The following BMP5 variants were observed in gnomAD, a reference collection of about 807,000 sequenced individuals.
The protein encoded by BMP5 is bone morphogenetic protein 5.
BMP5 carries 23 observed loss-of-function variants against 46.6 expected under a neutral mutation model. The observed-to-expected ratio is 0.49, with a 90% CI of 0.35 to 0.70. The LOEUF (loss-of-function observed/expected upper bound fraction) is 0.70, where lower values mean the gene tolerates loss of function less well. BMP5 is among the 30% of genes least tolerant of loss of function. The probability of loss-of-function intolerance (pLI) is 0.00; values close to 1 mark genes in which losing one functional copy is unlikely to be tolerated. For missense variants in BMP5, 545 were observed against 565.6 expected, an observed-to-expected ratio of 0.96 and a Z score of 0.37; for synonymous variants, 204 against 191.9, an observed-to-expected ratio of 1.06 and a Z score of -0.52.
intron 2 of BMP5, among the ~76,000 whole-genome samples, chr6:55,802,804 C>G (rs969071281): frequency 6.7e-6 from 1 of 150,160 alleles, no homozygotes; most frequent in African/African-American, 2.5e-5. Flanking sequence ...TTAAATAATT[C>G]TTTTTTTCCC....
intron 2 of BMP5, among the ~76,000 whole-genome samples, chr6:55,800,770 A>C (rs529159340): frequency 6.6e-6 from 1 of 152,170 alleles, no homozygotes; most frequent in Non-Finnish European, 1.5e-5. Flanking sequence ...TAGCCAAACT[A>C]TTTTTTCATA....
At chr6:55,863,701 A>G (rs1418666766) in intron 1 of BMP5, among the ~76,000 whole-genome samples, 1 of 152,244 alleles carries the variant, frequency 6.6e-6, no homozygotes, top group East Asian at 1.9e-4. Context: ...TCATAAGATT[A>G]TAATGGAGCT....
At chr6:55,846,950 A>T (rs980947430) in intron 1 of BMP5, among the ~76,000 whole-genome samples, 112 of 151,862 alleles carry the variant, frequency 7.4e-4, no homozygotes, top group Non-Finnish European at 2.9e-4. Flanking sequence ...AAATATTTAT[A>T]GTTAAAAAGT....
intron 1 of BMP5, among the ~76,000 whole-genome samples, chr6:55,865,596 T>A (rs1449683951): frequency 6.6e-6 from 1 of 152,122 alleles, no homozygotes; most frequent in Non-Finnish European, 1.5e-5. Context: ...AATTCAAGGT[T>A]TTTCTTTTAG....
intron 4 of BMP5, among the ~76,000 whole-genome samples, chr6:55,761,413 G>C (rs968664133): frequency 2.0e-5 from 3 of 152,036 alleles, no homozygotes; most frequent in Non-Finnish European, 2.9e-5. Context: ...CATTAAGAGT[G>C]AAATATTCTC....
intron 4 of BMP5, among the ~76,000 whole-genome samples, chr6:55,771,569 G>T (rs72868866): frequency 6.6e-6 from 1 of 151,726 alleles, no homozygotes; most frequent in African/African-American, 2.4e-5. Context: ...ATTCTGTGCT[G>T]GTTTCTGTTC....
At chr6:55,850,074 T>C (rs934585254) in intron 1 of BMP5, among the ~76,000 whole-genome samples, 11 of 152,146 alleles carry the variant, frequency 7.2e-5, no homozygotes, top group Admixed American at 2.6e-4. Flanking sequence ...TTCATGTTTA[T>C]CTCTAATACA....
chr6:55,758,373 A>T (rs937174988), intron 6 of BMP5, among the ~76,000 whole-genome samples: 1 of 151,876 alleles, frequency 6.6e-6, no homozygotes, highest in Non-Finnish European at 1.5e-5. Flanking sequence ...ATTAGGTACA[A>T]GGCAATCAGT....
chr6:55,780,475 AAAGAAAGAAAG>A (rs1775288686), intron 3 of BMP5, among the ~76,000 whole-genome samples: 1 of 125,058 alleles, frequency 8.0e-6, no homozygotes, highest in Admixed American at 8.3e-5. Context: ...AAAAAAAAAG[AAAGAAAGAAAG>A]AAAGAAAGAA....
Position 55,874,373 on chromosome 6 carries a change from T to C in BMP5, c.490+3A>G, listed in dbSNP as rs1428718306. The C allele has an allele frequency of 6.2e-7, 1 of 1,612,808 alleles. No homozygotes were observed. Among genetic ancestry groups the C allele is most frequent in the Non-Finnish European group, 8.5e-7 (1 of 1,179,318 alleles). Reference sequence around the variant, plus strand: ...TAGATTAACAAACAAATGAACAACATACCTAAGTTGACAAAGCTCATGACC... The same window carrying C: ...TAGATTAACAAACAAATGAACAACACACCTAAGTTGACAAAGCTCATGACC... On this transcript the variant is annotated splice_donor_region_variant and intron_variant, in intron 1 of 6. Transcript: ENST00000370830.
intron 1 of BMP5, among the ~76,000 whole-genome samples, chr6:55,856,202 G>A (rs1177244262): frequency 6.6e-6 from 1 of 152,114 alleles, no homozygotes; most frequent in Non-Finnish European, 1.5e-5. Flanking sequence ...TTATGTTTTA[G>A]CATTATCAAT....
intron 2 of BMP5, among the ~76,000 whole-genome samples, chr6:55,808,447 C>A (rs948676058): frequency 3.3e-5 from 5 of 152,132 alleles, no homozygotes; most frequent in Non-Finnish European, 5.9e-5. Flanking sequence ...TCACCCTCCC[C>A]CAAGGACCTC....
chr6:55,773,281 T>C (rs1300607461), intron 4 of BMP5, among the ~76,000 whole-genome samples: 1 of 151,926 alleles, frequency 6.6e-6, no homozygotes, highest in African/African-American at 2.4e-5. Flanking sequence ...AAATCAATTT[T>C]TGAACTAAAA....
chr6:55,761,753 A>G (rs531558805), intron 4 of BMP5, among the ~76,000 whole-genome samples: 2 of 152,130 alleles, frequency 1.3e-5, no homozygotes, highest in East Asian at 1.9e-4. Context: ...TTCCATCTCA[A>G]TTATCACTTT....
In BMP5 at chr6:55,816,799, G is replaced by A. The variant is rs1170555020; in HGVS notation, c.683+2856C>T. Among the ~76,000 whole-genome samples the A allele has an allele frequency of 5.3e-5, 8 of 152,084 alleles. No homozygotes were observed. In the South Asian group the frequency reaches 1.2e-3, roughly 24 times the overall value. On this transcript the variant is annotated intron_variant, in intron 2 of 6. Transcript: ENST00000370830. ...GACTAGTTAAAATAGAATTGAGAGGGCATGTGCACGTACGTGTGTGTGTGT... is the reference window on the plus strand; with the variant it reads ...GACTAGTTAAAATAGAATTGAGAGGACATGTGCACGTACGTGTGTGTGTGT...
chr6:55,836,103 A>C (rs1370558013), intron 1 of BMP5, among the ~76,000 whole-genome samples: 1 of 152,182 alleles, frequency 6.6e-6, no homozygotes, highest in Admixed American at 6.5e-5. Flanking sequence ...TGTAAAGTTG[A>C]TTAAGATATC....
chr6:55,761,659 A>T (rs1195315989), intron 4 of BMP5, among the ~76,000 whole-genome samples: 1 of 152,070 alleles, frequency 6.6e-6, no homozygotes. Context: ...CTTAAGCAAC[A>T]TCTCAACAAG....
At chr6:55,780,200 T>C (rs990322347) in intron 3 of BMP5, among the ~76,000 whole-genome samples, 1 of 128,642 alleles carries the variant, frequency 7.8e-6, no homozygotes, top group Non-Finnish European at 1.6e-5. Flanking sequence ...CATAGGATTC[T>C]GTGGCTCATA....
intron 1 of BMP5, among the ~76,000 whole-genome samples, chr6:55,867,926 T>C (rs527292806): frequency 4.4e-4 from 67 of 152,310 alleles, no homozygotes; most frequent in Non-Finnish European, 1.5e-4. Flanking sequence ...TACTACTCTA[T>C]TTCTGCCATG....
Sources: allele counts gnomAD v4.1 joint callset (sites outside exome capture counted in the v4.1 genomes callset), GRCh38; gene constraint gnomAD v4.1.1; transcripts MANE v1.5; gene names NCBI Gene and HGNC (gene_info 2026-07-23, HGNC 2026-07-21).